Variants in SHPRH observed in about 807,000 individuals in gnomAD.
SHPRH encodes the protein SNF2 histone linker PHD RING helicase.
A neutral mutation model predicts 202.5 loss-of-function variants in SHPRH; 106 were observed. The observed-to-expected ratio is 0.52, with a 90% CI of 0.45 to 0.62. The LOEUF is 0.62. SHPRH is among the 20% of genes least tolerant of loss of function. SHPRH has a pLI of 0.00. For missense variants in SHPRH, 1,710 were observed against 2,020.0 expected (o/e 0.85, Z 2.94); for synonymous variants, 729 against 686.0 (o/e 1.06, Z -0.98).
At chr6:145,891,652 A>C (rs1232783001) in intron 28 of SHPRH, among the ~76,000 whole-genome samples, 2 of 152,196 alleles carry the variant, frequency 1.3e-5, no homozygotes, top group African/African-American at 4.8e-5. Context: ...GTTCAAGTTG[A>C]TGATGGAAAG....
In SHPRH at chr6:145,885,931, T is replaced by TA. The variant is rs1780965708; in HGVS notation, c.*759dup. On this transcript the variant is annotated 3_prime_UTR_variant, in exon 30 of 30. Transcript: ENST00000275233. Reference sequence around the variant, plus strand: ...GCAATATTTACAGATACATCAATCTTACAACATATAAAAACTTTAACAATA... The same window carrying TA: ...GCAATATTTACAGATACATCAATCTTAACAACATATAAAAACTTTAACAATA... The TA allele has an allele frequency of 6.6e-6, 1 of 152,090 alleles. No homozygotes were observed. Among genetic ancestry groups the TA allele is most frequent in the Non-Finnish European group, 1.5e-5 (1 of 68,024 alleles). The allele number at this position is 152,090 out of a possible 1,614,324, so 9.4% of individuals were successfully genotyped here. A position where few individuals can be genotyped will look rare whatever the true frequency, so the allele number is the denominator to read the frequency against.
intron 22 of SHPRH, chr6:145,918,799 C>G (rs762090017): frequency 6.6e-6 from 1 of 152,184 alleles, no homozygotes; most frequent in Non-Finnish European, 1.5e-5. Context: ...ACTTAAGGCA[C>G]TAAACAAATA....
intron 14 of SHPRH, among the ~76,000 whole-genome samples, chr6:145,929,104 T>C (rs556302532): frequency 1.3e-5 from 2 of 152,078 alleles, no homozygotes; most frequent in South Asian, 4.2e-4. Context: ...GAATTTTATC[T>C]ATTCGTTATA....
At chr6:145,935,504 G>A (rs919040048) in intron 11 of SHPRH, 63 bp from the exon 12 acceptor site, 2 of 1,523,028 alleles carry the variant, frequency 1.3e-6, no homozygotes, top group African/African-American at 2.8e-5. Context: ...GTTTGCAGAA[G>A]CTTTTCTACA....
chr6:145,947,408 T>C, intron 6 of SHPRH, 85 bp downstream of exon 6: 1 of 1,457,770 alleles, frequency 6.9e-7, no homozygotes, highest in Non-Finnish European at 9.3e-7. Context: ...AAGTGTTGAC[T>C]TAAGTGCCAA....
chr6:145,876,149 T>G (rs1780290381), intron 2 of SHPRH, among the ~76,000 whole-genome samples: 1 of 152,172 alleles, frequency 6.6e-6, no homozygotes, highest in African/African-American at 2.4e-5. Flanking sequence ...CCATGCCCAT[T>G]AGCAGTCACT....
intron 2 of SHPRH, among the ~76,000 whole-genome samples, chr6:145,867,145 A>C (rs1353307537): frequency 1.3e-5 from 2 of 152,154 alleles, no homozygotes; most frequent in African/African-American, 2.4e-5. Flanking sequence ...TAACTGTTTC[A>C]GTATTTTTAG....
chr6:145,962,265 T>C (rs1233099086), intron 1 of SHPRH, among the ~76,000 whole-genome samples: 2 of 152,044 alleles, frequency 1.3e-5, no homozygotes, highest in Non-Finnish European at 2.9e-5. Flanking sequence ...TGGGCAGGAG[T>C]AGTATCCTAT....
chr6:145,942,121 C>T (rs910005667), intron 9 of SHPRH, among the ~76,000 whole-genome samples: 18 of 151,962 alleles, frequency 1.2e-4, no homozygotes, highest in African/African-American at 4.4e-4. Flanking sequence ...AATTCTGTAG[C>T]GGAGAAGGTA....
chr6:145,893,291 G>C lies in SHPRH; in HGVS notation c.4798C>G (p.Leu1600Val), dbSNP rs1282467368. Residue 1600 changes from leucine (L) to valine (V), a missense_variant, in exon 28 of 30, where the codon CTC (leucine) becomes GTC (valine). Transcript: ENST00000275233. ...GLTIIEATHV[L>V]LVEPILNPAH... The stretch of plus-strand genomic sequence containing the variant: ...GGGTTCAATATGGGCTCCACCAAGA[G>C]AACATGAGTTGCTTCAATGATAGTT... 8 of 1,606,600 alleles carry C rather than the reference G, an allele frequency of 5.0e-6. No individual in the cohort carries two copies. The highest frequency in any genetic ancestry group is 1.3e-5 in the African/African-American group (1 of 74,430).
At position 145,943,624 on chromosome 6, in the gene SHPRH, T is replaced by A; in HGVS notation, c.1757A>T (p.Lys586Ile). 6.2e-7 allele frequency: 1 copy of A among 1,613,910 alleles called. No homozygotes were observed. Among genetic ancestry groups the A allele is most frequent in the Non-Finnish European group, 8.5e-7 (1 of 1,179,910 alleles). ...LRKKLVPSTKKGKSQPFINPD... is the reference protein window; with the variant it reads ...LRKKLVPSTKIGKSQPFINPD... ...ATTGATAAATGGTTGACTTTTTCCT[T>A]TTTTTGTGGATGGAACAAGCTTTTT... Residue 586 changes from lysine to isoleucine, a missense_variant, in exon 9 of 30, where the codon AAA (lysine) becomes ATA (isoleucine). By Grantham distance (102) the Lys-to-Ile change is moderately radical. Transcript: ENST00000275233.
intron 22 of SHPRH, 57 bp downstream of exon 22, chr6:145,919,291 T>C: frequency 6.2e-7 from 1 of 1,602,648 alleles, no homozygotes; most frequent in Non-Finnish European, 8.5e-7. Flanking sequence ...CTATGGGTCT[T>C]AGATATCTGT....
chr6:145,860,316 C>CA (rs1779537753), downstream of SHPRH, among the ~76,000 whole-genome samples: 1 of 151,886 alleles, frequency 6.6e-6, no homozygotes, highest in African/African-American at 2.4e-5. Flanking sequence ...CATTACAGAA[C>CA]ACAAAATTAA....
At chr6:145,859,739 T>A (rs927476043), downstream of SHPRH, among the ~76,000 whole-genome samples, 6 of 152,126 alleles carry the variant, frequency 3.9e-5, no homozygotes, top group African/African-American at 1.4e-4. Context: ...GTGAAGCTGT[T>A]GTAACAATAC....
intron 23 of SHPRH, among the ~76,000 whole-genome samples, chr6:145,915,426 C>T (rs1346289261): frequency 1.3e-5 from 2 of 151,658 alleles, no homozygotes; most frequent in Admixed American, 6.6e-5. Context: ...AATAATTTTC[C>T]TTCCATCCAA....
downstream of SHPRH, among the ~76,000 whole-genome samples, chr6:145,880,184 T>A (rs1198985229): frequency 1.3e-5 from 2 of 152,130 alleles, no homozygotes; most frequent in African/African-American, 4.8e-5. Flanking sequence ...AGAAACTTCA[T>A]GAGATAATAA....
downstream of SHPRH, chr6:145,883,904 G>A (rs2128702917): frequency 6.6e-6 from 1 of 152,186 alleles, no homozygotes; most frequent in East Asian, 1.9e-4. Context: ...AAAATTGAAA[G>A]ATACCTTTTA....
intron 2 of SHPRH, among the ~76,000 whole-genome samples, chr6:145,865,711 C>G (rs1040731213): frequency 2.0e-5 from 3 of 152,196 alleles, no homozygotes; most frequent in African/African-American, 7.2e-5. Flanking sequence ...GGGCAGAGGC[C>G]CGGGCAATCT....
intron 25 of SHPRH, chr6:145,906,802 T>C (rs1783002169): frequency 6.6e-6 from 1 of 152,142 alleles, no homozygotes; most frequent in South Asian, 2.1e-4. Context: ...TACATTTGTA[T>C]TAAAAGAGCT....
Sources: gnomAD v4.1 joint callset for allele counts (sites outside exome capture counted in the v4.1 genomes callset) on GRCh38, gnomAD v4.1.1 for gene constraint, MANE v1.5 for transcripts, NCBI Gene and HGNC (gene_info 2026-07-23, HGNC 2026-07-21) for gene names.